Variants in ADCY5 observed in about 807,000 individuals in gnomAD.
The protein encoded by ADCY5 is adenylate cyclase 5, also known as adenylate cyclase type 5.
In ADCY5, 30 loss-of-function variants were observed where a neutral mutation model predicts 119.7. The observed-to-expected ratio is 0.25, with a 90% CI of 0.19 to 0.34. The LOEUF (loss-of-function observed/expected upper bound fraction) is 0.34, where lower values mean the gene tolerates loss of function less well. ADCY5 is among the 10% of genes least tolerant of loss of function. The pLI, the probability that ADCY5 is intolerant of heterozygous loss-of-function variation, is 1.00. For missense variants in ADCY5, 1,324 were observed against 1,775.2 expected, an observed-to-expected ratio of 0.75 and a Z score of 4.57; for synonymous variants, 753 against 762.2, an observed-to-expected ratio of 0.99 and a Z score of 0.20.
chr3:123,338,195 G>A (rs899347951), intron 3 of ADCY5, among the ~76,000 whole-genome samples: 4 of 152,192 alleles, frequency 2.6e-5, no homozygotes, highest in African/African-American at 9.7e-5. Context: ...AGGAACCAGG[G>A]AGGGGCAGGT....
chr3:123,382,239 A>G (rs185071937), intron 1 of ADCY5, among the ~76,000 whole-genome samples: 2 of 152,338 alleles, frequency 1.3e-5, no homozygotes, highest in African/African-American at 4.8e-5. Context: ...TCTATAAAGG[A>G]CAACACTTCA....
intron 1 of ADCY5, among the ~76,000 whole-genome samples, chr3:123,402,120 C>T (rs531190011): frequency 2.0e-5 from 3 of 152,134 alleles, no homozygotes; most frequent in Non-Finnish European, 4.4e-5. Context: ...TGGATGGGGA[C>T]CCATGGCCCT....
At chr3:123,391,937 G>T (rs1242885784) in intron 1 of ADCY5, among the ~76,000 whole-genome samples, 3 of 152,174 alleles carry the variant, frequency 2.0e-5, no homozygotes, top group Admixed American at 6.5e-5. Flanking sequence ...TCCGTCCCAG[G>T]GGTACCCACA....
At chr3:123,296,339 T>C (rs1559783915) in intron 16 of ADCY5, 123 bp from the exon 17 acceptor site, 3 of 1,156,438 alleles carry the variant, frequency 2.6e-6, no homozygotes, top group East Asian at 5.2e-5. Flanking sequence ...CCCTCTTCCT[T>C]ATCCCCCTGC....
chr3:123,301,546 AC>A (rs1347778521), intron 14 of ADCY5, among the ~76,000 whole-genome samples: 1 of 151,982 alleles, frequency 6.6e-6, no homozygotes, highest in African/African-American at 2.4e-5. Flanking sequence ...GATGCTGGGG[AC>A]CCCCCAGGGT....
intron 1 of ADCY5, among the ~76,000 whole-genome samples, chr3:123,418,240 C>A (rs1038028103): frequency 6.6e-6 from 1 of 152,172 alleles, no homozygotes; most frequent in Non-Finnish European, 1.5e-5. Flanking sequence ...CTAAGGGATG[C>A]CCACATAGCT....
intron 12 of ADCY5, 152 bp from the exon 13 acceptor site, chr3:123,304,335 A>C: frequency 1.6e-6 from 1 of 639,120 alleles, no homozygotes; most frequent in Non-Finnish European, 2.9e-6. Flanking sequence ...TCCAGCCTGC[A>C]AGGCTCCAGC....
chr3:123,347,043 A>AAC, intron 3 of ADCY5, among the ~76,000 whole-genome samples: 2 of 152,286 alleles, frequency 1.3e-5, no homozygotes, highest in Middle Eastern at 6.8e-3. Flanking sequence ...ACTTGGGTGC[A>AAC]GCCTGGCTGT....
intron 1 of ADCY5, among the ~76,000 whole-genome samples, chr3:123,419,857 G>A (rs954717721): frequency 4.0e-5 from 6 of 151,618 alleles, no homozygotes; most frequent in Admixed American, 1.3e-4. Context: ...TTCCCACTCC[G>A]ACTCTCACCT....
intron 1 of ADCY5, among the ~76,000 whole-genome samples, chr3:123,436,390 A>G (rs1326670257): frequency 6.6e-6 from 1 of 151,662 alleles, no homozygotes; most frequent in East Asian, 1.9e-4. Context: ...AAATTCAAAA[A>G]CAGTAATTTG....
At chr3:123,376,994 C>T (rs927008985) in intron 1 of ADCY5, among the ~76,000 whole-genome samples, 2 of 152,054 alleles carry the variant, frequency 1.3e-5, no homozygotes, top group African/African-American at 4.8e-5. Context: ...GAGATGTGCC[C>T]CAGCAAGAAG....
intron 10 of ADCY5, among the ~76,000 whole-genome samples, chr3:123,318,714 C>T (rs951799477): frequency 6.6e-6 from 1 of 152,170 alleles, no homozygotes; most frequent in Non-Finnish European, 1.5e-5. Flanking sequence ...AGTTTGCTTG[C>T]CTGGTTTAAT....
intron 1 of ADCY5, among the ~76,000 whole-genome samples, chr3:123,410,409 T>A (rs539962725): frequency 7.7e-4 from 117 of 151,356 alleles, no homozygotes; most frequent in African/African-American, 2.7e-3. Flanking sequence ...CAGGCATAAG[T>A]AGGAATGGTA....
intron 13 of ADCY5, among the ~76,000 whole-genome samples, chr3:123,303,585 G>A (rs1184377800): frequency 1.3e-5 from 2 of 152,122 alleles, no homozygotes; most frequent in Admixed American, 6.5e-5. Context: ...GCCGAGGCCC[G>A]CGGATCACTT....
rs1412864433 is a variant in ADCY5 at position 123,392,617 on chromosome 3, TCCAGGC to T, written c.1135-40042_1135-40037del. Among the ~76,000 whole-genome samples, 3 of 152,324 alleles carry T rather than the reference TCCAGGC, an allele frequency of 2.0e-5. No individual in the cohort carries two copies. The East Asian group carries it at 5.8e-4, about 29-fold the overall frequency. ...AGTGGTGACAAAGCTGGAGTCTGAATCCAGGCCCTCGGTCCCCAGGCAGACAGTGTT... is the reference window on the plus strand; with the variant it reads ...AGTGGTGACAAAGCTGGAGTCTGAATCCTCGGTCCCCAGGCAGACAGTGTT... On this transcript the variant is annotated intron_variant, in intron 1 of 20. Transcript: ENST00000462833.
At chr3:123,318,731 G>A (rs182054206) in intron 10 of ADCY5, among the ~76,000 whole-genome samples, 7 of 152,280 alleles carry the variant, frequency 4.6e-5, no homozygotes, top group Admixed American at 2.0e-4. Context: ...TAATGCTGAT[G>A]AGCATACCAC....
At position 123,343,855 on chromosome 3, in the gene ADCY5, G is replaced by A. The variant is rs114317060; in HGVS notation, c.1406+3927C>T. The stretch of plus-strand genomic sequence containing the variant: ...CTGGCTCCAGCTGACCCCCCGCCCC[G>A]TCAGAAAGGCTGAAACATTTCCATT... On this transcript the variant is annotated intron_variant, in intron 3 of 20. Coordinates refer to ENST00000462833, the MANE Select transcript of ADCY5 (RefSeq NM_183357.3). 7.5e-3 allele frequency among the ~76,000 whole-genome samples: 1,139 copies of A among 152,262 alleles called. 2 individuals carry two copies. Among genetic ancestry groups the A allele is most frequent in the Non-Finnish European group, 0.012 (824 of 67,996 alleles).
At chr3:123,333,874 A>C (rs1004904581) in intron 3 of ADCY5, among the ~76,000 whole-genome samples, 1 of 152,150 alleles carries the variant, frequency 6.6e-6, no homozygotes, top group Non-Finnish European at 1.5e-5. Flanking sequence ...GGAGTCCTCT[A>C]TCCCCTACAA....
At chr3:123,358,129 C>T (rs966508142) in intron 1 of ADCY5, among the ~76,000 whole-genome samples, 7 of 150,730 alleles carry the variant, frequency 4.6e-5, no homozygotes, top group Non-Finnish European at 8.8e-5. Context: ...GCTGGCCTCA[C>T]GGGACACATC....
Sources: gnomAD v4.1 joint callset for allele counts (sites outside exome capture counted in the v4.1 genomes callset) on GRCh38, gnomAD v4.1.1 for gene constraint, MANE v1.5 for transcripts, NCBI Gene and HGNC (gene_info 2026-07-23, HGNC 2026-07-21) for gene names.